ELK4: variants seen among roughly 807,000 people sequenced by gnomAD.
The protein encoded by ELK4 is ETS transcription factor ELK4.
Under a neutral mutation model 29.6 loss-of-function variants are expected in ELK4, and 16 were observed. That is an observed-to-expected ratio of 0.54 (90% confidence interval 0.37 to 0.82). ELK4 has a LOEUF of 0.82. Ranked by LOEUF, ELK4 falls within the 40% of genes least tolerant of loss-of-function variation. The pLI, the probability that ELK4 is intolerant of heterozygous loss-of-function variation, is 0.00. For missense variants in ELK4, 465 were observed against 507.1 expected (o/e 0.92, Z 0.80); for synonymous variants, 213 against 191.1 (o/e 1.11, Z -0.95).
At chr1:205,619,799 C>T (rs1469758773) in intron 3 of ELK4, 167 bp downstream of exon 3, 1 of 1,532,484 alleles carries the variant, frequency 6.5e-7, no homozygotes, top group South Asian at 1.3e-5. Flanking sequence ...TTTTAGCAAT[C>T]CTAATTAAGA....
At position 205,619,645 on chromosome 1, in the gene ELK4, G is replaced by A. The variant is rs1030830917; in HGVS notation, c.1080+321C>T. 8.1e-6 allele frequency: 11 copies of A among 1,358,844 alleles called. No individual in the cohort carries two copies. In the African/African-American group the frequency reaches 1.2e-4, roughly 15 times the overall value. The allele number at this position is 1,358,844 out of a possible 1,614,324, so 84.2% of individuals were successfully genotyped here. On this transcript the variant is annotated intron_variant, in intron 3 of 4. Coordinates refer to ENST00000357992, the MANE Select transcript of ELK4 (RefSeq NM_001973.4). ...TTCTAACTTGAGATTATCACTGTTT[G>A]TTTTATAAGACACCAACGAGTTTTA... is the stretch of plus-strand genomic sequence containing the variant.
rs959061600 is a variant in ELK4, at chr1:205,631,842, C to T, written c.-220G>A. The T allele has an allele frequency of 1.3e-5, 2 of 148,446 alleles. No individual in the cohort carries two copies. The highest frequency in any genetic ancestry group is 4.9e-5 in the African/African-American group (2 of 40,886). The allele number at this position is 148,446 out of a possible 1,614,324, so 9.2% of individuals were successfully genotyped here. ...TCCCGCCGCCGCGGCTCCTGGCGCC[C>T]CGCCCTCCCCGCCCCCGCACGCGGC... On this transcript the variant is annotated 5_prime_UTR_variant, in exon 1 of 5. Transcript: ENST00000357992.
chr1:205,608,935 C>A lies in ELK4; in HGVS notation c.*7611G>T, dbSNP rs1670112445. On this transcript the variant is annotated 3_prime_UTR_variant, in exon 5 of 5. Coordinates refer to ENST00000357992, the MANE Select transcript of ELK4 (RefSeq NM_001973.4). ...ACTGATGGAGACGCACTGCAATAGT[C>A]CCATGGCAGACATATGCTTTTCTTC... 5.2e-6 allele frequency: 1 copy of A among 191,210 alleles called. No individual in the cohort carries two copies. Among genetic ancestry groups the A allele is most frequent in the Non-Finnish European group, 1.1e-5 (1 of 91,366 alleles). 11.8% of individuals were successfully genotyped at this position (191,210 alleles called of 1,614,324 possible).
Position 205,615,390 on chromosome 1 carries a change from CA to C in ELK4, c.*1155del, listed in dbSNP as rs67904643. On this transcript the variant is annotated 3_prime_UTR_variant, in exon 5 of 5. Transcript: ENST00000357992. ...TGGGTGATAGAGCAAGACTCTGTCT[CA>C]AAAAAAAAAAAAAAAAAAAAAAAAG... 13,060 of 53,048 alleles carry C rather than the reference CA, an allele frequency of 0.25. 351 individuals are homozygous for C. Among genetic ancestry groups the C allele is most frequent in the East Asian group, 0.43 (767 of 1,784 alleles). The allele number at this position is 53,048 out of a possible 1,614,324, so 3.3% of individuals were successfully genotyped here.
rs767425113 is a variant in ELK4 at position 205,616,531 on chromosome 1, C to T, written c.*15G>A. Reference sequence around the variant, plus strand: ...TTCTTCGTTCCTCGGTTCTCTCATTCCACAAGTGCATAGGTTATGTCTTCT... The same window carrying T: ...TTCTTCGTTCCTCGGTTCTCTCATTTCACAAGTGCATAGGTTATGTCTTCT... On this transcript the variant is annotated 3_prime_UTR_variant, in exon 5 of 5. Transcript: ENST00000357992. 4 of 1,610,684 alleles carry T rather than the reference C, an allele frequency of 2.5e-6. No homozygotes were observed. In the South Asian group the frequency reaches 4.4e-5, roughly 18 times the overall value.
At chr1:205,626,206 C>T (rs2102384480) in intron 1 of ELK4, 13 of 573,622 alleles carry the variant, frequency 2.3e-5, no homozygotes, top group South Asian at 2.1e-4. Flanking sequence ...GAGGTGGCCT[C>T]CCTTTCTTGA....
At position 205,608,656 on chromosome 1, in the gene ELK4, T is replaced by C. The variant is rs1266553352; in HGVS notation, c.*7890A>G. On this transcript the variant is annotated 3_prime_UTR_variant, in exon 5 of 5. Transcript: ENST00000357992. ...TGCTGAAATCAACTAAGACGAGCTATTATTAACACTTTAACAGTTATCCAT... is the reference window on the plus strand; with the variant it reads ...TGCTGAAATCAACTAAGACGAGCTACTATTAACACTTTAACAGTTATCCAT... 5 of 197,070 alleles carry C rather than the reference T, an allele frequency of 2.5e-5. No homozygotes were observed. The highest frequency in any genetic ancestry group is 1.2e-4 in the African/African-American group (5 of 43,370). The allele number at this position is 197,070 out of a possible 1,614,324, so 12.2% of individuals were successfully genotyped here. A position where few individuals can be genotyped will look rare whatever the true frequency, so the allele number is the denominator to read the frequency against.
At chr1:205,629,170 C>CAAAAAAAAAAAAAAAAAAAAAA (rs61374496) in intron 1 of ELK4, among the ~76,000 whole-genome samples, 25 of 92,280 alleles carry the variant, frequency 2.7e-4, no homozygotes, top group African/African-American at 5.0e-4. Context: ...GACTACGTCT[C>CAAAAAAAAAAAAAAAAAAAAAA]AAAAAAAAAA....
intron 1 of ELK4, among the ~76,000 whole-genome samples, chr1:205,627,603 T>C (rs1670491454): frequency 6.6e-6 from 1 of 152,134 alleles, no homozygotes; most frequent in Admixed American, 6.5e-5. Context: ...GTGAATTTTA[T>C]GGTATGTGAA....
chr1:205,627,060 T>C (rs1187072913), intron 1 of ELK4, among the ~76,000 whole-genome samples: 1 of 152,142 alleles, frequency 6.6e-6, no homozygotes, highest in African/African-American at 2.4e-5. Flanking sequence ...AGACCACATA[T>C]TGTATGTTTC....
intron 1 of ELK4, chr1:205,625,999 A>G: frequency 2.2e-6 from 3 of 1,388,138 alleles, no homozygotes; most frequent in Admixed American, 1.7e-5. Context: ...TTGATCCAGA[A>G]GCGAATTCAT....
Position 205,616,404 on chromosome 1 carries a change from A to G in ELK4, c.*142T>C. The G allele has an allele frequency of 4.2e-6, 3 of 711,378 alleles. No homozygotes were observed. The highest frequency in any genetic ancestry group is 7.0e-6 in the Non-Finnish European group (3 of 428,794). The allele number at this position is 711,378 out of a possible 1,614,324, so 44.1% of individuals were successfully genotyped here. On this transcript the variant is annotated 3_prime_UTR_variant, in exon 5 of 5. Coordinates refer to ENST00000357992, the MANE Select transcript of ELK4 (RefSeq NM_001973.4). Reference sequence around the variant, plus strand: ...AGTCCTATTCAAAGAGAATCCTAAAAAGATGTTTTCAATGGGGAATGGCAA... The same window carrying G: ...AGTCCTATTCAAAGAGAATCCTAAAGAGATGTTTTCAATGGGGAATGGCAA...
rs1402771495 is a variant in ELK4, at chr1:205,612,497, AT to A, written c.*4048del. The A allele has an allele frequency of 4.7e-6, 1 of 214,018 alleles. No individual in the cohort carries two copies. The highest frequency in any genetic ancestry group is 2.3e-5 in the African/African-American group (1 of 44,208). 13.3% of individuals were successfully genotyped at this position (214,018 alleles called of 1,614,324 possible). A position where few individuals can be genotyped will look rare whatever the true frequency, so the allele number is the denominator to read the frequency against. On this transcript the variant is annotated 3_prime_UTR_variant, in exon 5 of 5. Coordinates refer to ENST00000357992, the MANE Select transcript of ELK4 (RefSeq NM_001973.4). ...TATAATTTAACATATACCCATATGA[AT>A]TTTTAATAGGGAAAGTTTTTATGTT...
intron 2 of ELK4, 136 bp downstream of exon 2, chr1:205,623,540 C>G: frequency 4.4e-6 from 4 of 912,404 alleles, no homozygotes; most frequent in Non-Finnish European, 6.9e-6. Flanking sequence ...GTCTTGAACT[C>G]CTGACCTCAG....
chr1:205,616,463 C>CTAT lies in ELK4; in HGVS notation c.*80_*82dup. Reference sequence around the variant, plus strand: ...ATAGTCTATTATCAGCATTGTAGAACTATCAATTGCTCACTTCAAATGCAA... The same window carrying CTAT: ...ATAGTCTATTATCAGCATTGTAGAACTATTATCAATTGCTCACTTCAAATGCAA... On this transcript the variant is annotated 3_prime_UTR_variant, in exon 5 of 5. Transcript: ENST00000357992. The CTAT allele has an allele frequency of 8.1e-7, 1 of 1,230,210 alleles. No individual in the cohort carries two copies. Among genetic ancestry groups the CTAT allele is most frequent in the South Asian group, 1.3e-5 (1 of 79,290 alleles). The allele number at this position is 1,230,210 out of a possible 1,614,324, so 76.2% of individuals were successfully genotyped here.
At chr1:205,630,039 AAAAACAAAAACACAAC>A (rs1438165675) in intron 1 of ELK4, among the ~76,000 whole-genome samples, 6 of 152,180 alleles carry the variant, frequency 3.9e-5, no homozygotes, top group African/African-American at 1.4e-4. Context: ...TGTCTCTAAC[AAAAACAAAAACACAAC>A]AAAACAAAAC....
rs905043856 is a variant in ELK4, at chr1:205,614,060, G to A, written c.*2486C>T. On this transcript the variant is annotated 3_prime_UTR_variant, in exon 5 of 5. Coordinates refer to ENST00000357992, the MANE Select transcript of ELK4 (RefSeq NM_001973.4). Reference sequence around the variant, plus strand: ...TAAACTTTGACTTAAAAAAGGATACGCACACACACACTTCTCCAAATTAGT... The same window carrying A: ...TAAACTTTGACTTAAAAAAGGATACACACACACACACTTCTCCAAATTAGT... The A allele has an allele frequency of 3.6e-5, 8 of 223,954 alleles. No individual in the cohort carries two copies. Among genetic ancestry groups the A allele is most frequent in the East Asian group, 6.4e-5 (1 of 15,504 alleles). 13.9% of individuals were successfully genotyped at this position (223,954 alleles called of 1,614,324 possible).
rs1187599544 is a variant in ELK4 at position 205,613,955 on chromosome 1, G to A, written c.*2591C>T. Reference sequence around the variant, plus strand: ...CTAAGAATTCTGCATATATTCAACAGAATATGAAGCTGAGACTTTTCCAGG... The same window carrying A: ...CTAAGAATTCTGCATATATTCAACAAAATATGAAGCTGAGACTTTTCCAGG... On this transcript the variant is annotated 3_prime_UTR_variant, in exon 5 of 5. Coordinates refer to ENST00000357992, the MANE Select transcript of ELK4 (RefSeq NM_001973.4). The A allele has an allele frequency of 2.3e-5, 5 of 221,632 alleles. No homozygotes were observed. Among genetic ancestry groups the A allele is most frequent in the Non-Finnish European group, 3.6e-5 (4 of 110,832 alleles). 13.7% of individuals were successfully genotyped at this position (221,632 alleles called of 1,614,324 possible).
At chr1:205,629,841 T>A (rs1670542671) in intron 1 of ELK4, among the ~76,000 whole-genome samples, 1 of 152,158 alleles carries the variant, frequency 6.6e-6, no homozygotes, top group Non-Finnish European at 1.5e-5. Context: ...GAGCTTGAGC[T>A]CAGGAGTTCA....
Sources: gnomAD v4.1 joint callset for allele counts (sites outside exome capture counted in the v4.1 genomes callset) on GRCh38, gnomAD v4.1.1 for gene constraint, MANE v1.5 for transcripts, NCBI Gene and HGNC (gene_info 2026-07-23, HGNC 2026-07-21) for gene names.